The following CERK variants were observed in gnomAD, a reference collection of about 807,000 sequenced individuals.
CERK encodes the protein ceramide kinase, also known as acylsphingosine kinase.
A neutral mutation model predicts 63.4 loss-of-function variants in CERK; 39 were observed. That is an observed-to-expected ratio of 0.61 (90% CI 0.48 to 0.80). The LOEUF is 0.80. CERK is among the 30% of genes least tolerant of loss of function. The pLI, the probability that CERK is intolerant of heterozygous loss-of-function variation, is 0.00. For synonymous variants in CERK, 302 were observed against 280.0 expected (o/e 1.08, Z -0.78); for missense variants, 670 against 714.1 (o/e 0.94, Z 0.70).
intron 12 of CERK, among the ~76,000 whole-genome samples, chr22:46,687,868 C>G (rs2082711125): frequency 6.6e-6 from 1 of 152,180 alleles, no homozygotes; most frequent in Non-Finnish European, 1.5e-5. Context: ...ACAGCCTCCT[C>G]AGACGTATTT....
Position 46,685,309 on chromosome 22 carries a change from G to A in CERK, c.*1825C>T, listed in dbSNP as rs2082694629. 6.6e-6 allele frequency: 1 copy of A among 152,356 alleles called. No homozygotes were observed. The highest frequency in any genetic ancestry group is 2.1e-4 in the South Asian group (1 of 4,828). The allele number at this position is 152,356 out of a possible 1,614,324, so 9.4% of individuals were successfully genotyped here. On this transcript the variant is annotated 3_prime_UTR_variant, in exon 13 of 13. Coordinates refer to ENST00000216264, the MANE Select transcript of CERK (RefSeq NM_022766.6). ...TGATCTCAAACTCCTGACCTTAGGT[G>A]ATCCACCCGCCTCGGCCTCCCAAAG...
At chr22:46,734,657 T>C (rs1162064706) in intron 1 of CERK, among the ~76,000 whole-genome samples, 2 of 152,224 alleles carry the variant, frequency 1.3e-5, no homozygotes, top group South Asian at 2.1e-4. Context: ...TAGACCTTGA[T>C]AAAATCGATT....
At chr22:46,691,238 C>T (rs2082730136) in intron 11 of CERK, among the ~76,000 whole-genome samples, 1 of 152,054 alleles carries the variant, frequency 6.6e-6, no homozygotes, top group African/African-American at 2.4e-5. Flanking sequence ...CCACGCCTGG[C>T]TTTTTTGTAT....
At chr22:46,736,275 G>A (rs754685333) in intron 1 of CERK, among the ~76,000 whole-genome samples, 3 of 152,266 alleles carry the variant, frequency 2.0e-5, no homozygotes, top group South Asian at 2.1e-4. Context: ...GGCTGGGGAC[G>A]CCAAGGCAGA....
intron 1 of CERK, among the ~76,000 whole-genome samples, chr22:46,727,267 A>G (rs1473693034): frequency 6.6e-6 from 1 of 151,594 alleles, no homozygotes; most frequent in Non-Finnish European, 1.5e-5. Context: ...CACCATTAGT[A>G]GCCACCAATG....
rs569690279 is a variant in CERK at position 46,706,178 on chromosome 22, T to C, written c.715+1665A>G. ...TTCAACAGATATCTAAGAGGGAGTT[T>C]GGGTGCCAGGGCTGGGTGCCCCACC... On this transcript the variant is annotated intron_variant, in intron 6 of 12. Coordinates refer to ENST00000216264, the MANE Select transcript of CERK (RefSeq NM_022766.6). Among the ~76,000 whole-genome samples, 218 of 152,310 alleles carry C rather than the reference T, an allele frequency of 1.4e-3. 1 individual carries two copies. Among genetic ancestry groups the C allele is most frequent in the African/African-American group, 5.1e-3 (211 of 41,566 alleles).
At chr22:46,709,831 C>T (rs563605299) in intron 5 of CERK, among the ~76,000 whole-genome samples, 47 of 152,126 alleles carry the variant, frequency 3.1e-4, no homozygotes, top group Non-Finnish European at 5.7e-4. Flanking sequence ...AAAACTTCTA[C>T]TGGGAAGAAT....
chr22:46,687,014 A>G lies in CERK; in HGVS notation c.*120T>C. On this transcript the variant is annotated 3_prime_UTR_variant, in exon 13 of 13. Coordinates refer to ENST00000216264, the MANE Select transcript of CERK (RefSeq NM_022766.6). ...ACAAAAGGGTTTTCTTCTAAAATCA[A>G]GATTTAACTATCAAAAATAAATTTC... is the stretch of plus-strand genomic sequence containing the variant. The G allele has an allele frequency of 1.2e-6, 1 of 865,248 alleles. No homozygotes were observed. The highest frequency in any genetic ancestry group is 1.8e-6 in the Non-Finnish European group (1 of 566,364). The allele number at this position is 865,248 out of a possible 1,614,324, so 53.6% of individuals were successfully genotyped here. A position where few individuals can be genotyped will look rare whatever the true frequency, so the allele number is the denominator to read the frequency against.
intron 1 of CERK, 140 bp downstream of exon 1, chr22:46,737,863 CCCCT>C: frequency 4.8e-6 from 2 of 418,662 alleles, no homozygotes; most frequent in Non-Finnish European, 7.1e-6. Context: ...CCTGCCCCGA[CCCCT>C]CCCTGGCGCC....
At chr22:46,728,911 C>T (rs1285775081) in intron 1 of CERK, among the ~76,000 whole-genome samples, 1 of 152,204 alleles carries the variant, frequency 6.6e-6, no homozygotes, top group Non-Finnish European at 1.5e-5. Context: ...AGCAGGAATA[C>T]TTGGCTCTGA....
Position 46,712,211 on chromosome 22 carries a change from C to T in CERK, c.462G>A (p.Val154=). 1 of 1,614,164 alleles carries T rather than the reference C, an allele frequency of 6.2e-7. No individual in the cohort carries two copies. Among genetic ancestry groups the T allele is most frequent in the South Asian group, 1.1e-5 (1 of 91,086 alleles). Residue 154 remains valine (V), a synonymous_variant, in exon 4 of 13, where the codon GTG becomes GTA. Coordinates refer to ENST00000216264, the MANE Select transcript of CERK (RefSeq NM_022766.6). ...TGGAGGCTAAGGTGAACAGTGGTGC[C>T]ACTTTTCTTTCATATATCCGCTTGC... ...GQGKRIYERK[V]APLFTLASIT... is the part of the protein sequence containing the mutation.
At chr22:46,734,550 C>A (rs1385015461) in intron 1 of CERK, among the ~76,000 whole-genome samples, 2 of 152,230 alleles carry the variant, frequency 1.3e-5, no homozygotes, top group Non-Finnish European at 2.9e-5. Flanking sequence ...AGGTGCTGGG[C>A]TGCTGCGATC....
intron 1 of CERK, among the ~76,000 whole-genome samples, chr22:46,723,296 T>C (rs1406866012): frequency 6.6e-6 from 1 of 152,206 alleles, no homozygotes; most frequent in Admixed American, 6.5e-5. Context: ...TTCAATATTG[T>C]CTGCACAGCT....
rs1431137161 is a variant in CERK, at chr22:46,684,436, T to C, written c.*2698A>G. The C allele has an allele frequency of 6.6e-6, 1 of 152,262 alleles. No homozygotes were observed. The highest frequency in any genetic ancestry group is 2.1e-4 in the South Asian group (1 of 4,828). 9.4% of individuals were successfully genotyped at this position (152,262 alleles called of 1,614,324 possible). A position where few individuals can be genotyped will look rare whatever the true frequency, so the allele number is the denominator to read the frequency against. ...CTGCCCAAGTAACTTTATTCGTGTC[T>C]TCTCAAACATTTCAGATCAAATAAT... On this transcript the variant is annotated 3_prime_UTR_variant, in exon 13 of 13. Transcript: ENST00000216264.
At chr22:46,733,965 G>A (rs1392698750) in intron 1 of CERK, among the ~76,000 whole-genome samples, 1 of 151,954 alleles carries the variant, frequency 6.6e-6, no homozygotes, top group Non-Finnish European at 1.5e-5. Context: ...GAACCCGGGA[G>A]GTGGAGGTTG....
chr22:46,721,073 T>G lies in CERK; in HGVS notation c.143-58A>C, dbSNP rs578233506. 8.7e-6 allele frequency: 9 copies of G among 1,040,304 alleles called. No individual in the cohort carries two copies. The African/African-American group carries it at 1.1e-4, about 13-fold the overall frequency. 64.4% of individuals were successfully genotyped at this position (1,040,304 alleles called of 1,614,324 possible). A position where few individuals can be genotyped will look rare whatever the true frequency, so the allele number is the denominator to read the frequency against. On this transcript the variant is annotated intron_variant, in intron 1 of 12. Coordinates refer to ENST00000216264, the MANE Select transcript of CERK (RefSeq NM_022766.6). ...TTCGTCAGAATCCACACAGGTAAAATCAGTCCAACTCCAAGAAGCTGAGAA... is the reference window on the plus strand; with the variant it reads ...TTCGTCAGAATCCACACAGGTAAAAGCAGTCCAACTCCAAGAAGCTGAGAA...
rs1381052741 is a variant in CERK at position 46,686,192 on chromosome 22, A to G, written c.*942T>C. On this transcript the variant is annotated 3_prime_UTR_variant, in exon 13 of 13. Transcript: ENST00000216264. ...CTTAAAAGGACAAGATGTTCAATAAATATAGAGAACTCAGTGTGAAGAAAA... is the reference window on the plus strand; with the variant it reads ...CTTAAAAGGACAAGATGTTCAATAAGTATAGAGAACTCAGTGTGAAGAAAA... 1 of 152,182 alleles carries G rather than the reference A, an allele frequency of 6.6e-6. No homozygotes were observed. The highest frequency in any genetic ancestry group is 2.4e-5 in the African/African-American group (1 of 41,436). The allele number at this position is 152,182 out of a possible 1,614,324, so 9.4% of individuals were successfully genotyped here.
intron 1 of CERK, among the ~76,000 whole-genome samples, chr22:46,724,145 C>T (rs1252835340): frequency 1.3e-5 from 2 of 152,168 alleles, no homozygotes; most frequent in East Asian, 3.9e-4. Flanking sequence ...ACATGAAGAC[C>T]ATGAGGATGG....
chr22:46,704,698 G>A (rs922999636), intron 6 of CERK, among the ~76,000 whole-genome samples: 1 of 151,948 alleles, frequency 6.6e-6, no homozygotes. Flanking sequence ...GGTGGTGGGT[G>A]CCTGTAATCC....
Sources: gnomAD v4.1 joint callset for allele counts (sites outside exome capture counted in the v4.1 genomes callset) on GRCh38, gnomAD v4.1.1 for gene constraint, MANE v1.5 for transcripts, NCBI Gene and HGNC (gene_info 2026-07-23, HGNC 2026-07-21) for gene names.